Variants in SLC7A8 observed in about 807,000 individuals in gnomAD.
SLC7A8 encodes solute carrier family 7 member 8.
Under a neutral mutation model 51.2 loss-of-function variants are expected in SLC7A8, and 30 were observed. The ratio of observed to expected loss-of-function variants is 0.59; its 90% CI spans 0.44 to 0.80. The LOEUF (loss-of-function observed/expected upper bound fraction) is 0.80. Ranked by LOEUF, SLC7A8 falls within the 30% of genes least tolerant of loss-of-function variation. The pLI is 0.00. For missense variants in SLC7A8, 612 were observed against 674.4 expected (o/e 0.91, Z 1.03); for synonymous variants, 257 against 275.8 (o/e 0.93, Z 0.67).
At chr14:23,147,763 C>T (rs997345619) in intron 3 of SLC7A8, among the ~76,000 whole-genome samples, 6 of 152,158 alleles carry the variant, frequency 3.9e-5, no homozygotes, top group African/African-American at 1.4e-4. Flanking sequence ...GTTACTTAAT[C>T]CACCCAGTTT....
chr14:23,169,630 C>T (rs559067309), intron 1 of SLC7A8, among the ~76,000 whole-genome samples: 3 of 152,236 alleles, frequency 2.0e-5, no homozygotes, highest in East Asian at 3.9e-4. Context: ...TGGTCTCGAT[C>T]TCCTGACCTC....
At chr14:23,180,201 C>A (rs528880359) in intron 1 of SLC7A8, among the ~76,000 whole-genome samples, 2 of 152,168 alleles carry the variant, frequency 1.3e-5, no homozygotes, top group African/African-American at 4.8e-5. Context: ...CCACCGCACC[C>A]GGCCCTTTTT....
intron 7 of SLC7A8, among the ~76,000 whole-genome samples, chr14:23,135,086 T>A (rs116329128): frequency 0.015 from 2,336 of 152,026 alleles, 45 homozygotes; most frequent in East Asian, 0.052. Context: ...ATTATTTTTT[T>A]AATATTTTTT....
chr14:23,138,645 GA>G (rs1165250086), intron 6 of SLC7A8, among the ~76,000 whole-genome samples: 6 of 152,210 alleles, frequency 3.9e-5, no homozygotes, highest in African/African-American at 1.4e-4. Context: ...CTTAGTCTGA[GA>G]AAGAAAAGGC....
At chr14:23,155,360 C>T (rs1392568753) in intron 3 of SLC7A8, 1 of 1,517,816 alleles carries the variant, frequency 6.6e-7, no homozygotes, top group Non-Finnish European at 8.8e-7. Flanking sequence ...CTGCCCCATC[C>T]CCTCCCCTCC....
chr14:23,171,804 C>A (rs1243712065), intron 1 of SLC7A8, among the ~76,000 whole-genome samples: 8 of 152,230 alleles, frequency 5.3e-5, no homozygotes, highest in Non-Finnish European at 1.2e-4. Context: ...CCTGGAAGCT[C>A]ACCATGCCTC....
chr14:23,164,578 T>C (rs76888471), intron 3 of SLC7A8, among the ~76,000 whole-genome samples: 3,332 of 152,038 alleles, frequency 0.022, 155 homozygotes, highest in African/African-American at 0.077. Context: ...GTGAAAATCA[T>C]AGTGCCTCCA....
intron 5 of SLC7A8, 108 bp from the exon 6 acceptor site, chr14:23,139,655 C>A (rs1428324442): frequency 2.2e-6 from 3 of 1,338,282 alleles, no homozygotes; most frequent in South Asian, 1.5e-5. Context: ...AGCCTTACAG[C>A]CTTCTGTGAG....
At chr14:23,138,632 C>A (rs1168427523) in intron 6 of SLC7A8, among the ~76,000 whole-genome samples, 2 of 152,200 alleles carry the variant, frequency 1.3e-5, no homozygotes, top group Non-Finnish European at 2.9e-5. Context: ...GAATGAGCCC[C>A]TCCTTAGTCT....
chr14:23,143,898 C>T (rs2096546824), intron 3 of SLC7A8, among the ~76,000 whole-genome samples: 1 of 152,192 alleles, frequency 6.6e-6, no homozygotes, highest in South Asian at 2.1e-4. Context: ...TAAATGGAAT[C>T]ATATAATATG....
chr14:23,140,527 G>T lies in SLC7A8; in HGVS notation c.732C>A (p.Ala244=), dbSNP rs761485985. 1 of 1,614,066 alleles carries T rather than the reference G, an allele frequency of 6.2e-7. No individual in the cohort carries two copies. Among genetic ancestry groups the T allele is most frequent in the South Asian group, 1.1e-5 (1 of 91,074 alleles). The change falls in exon 5 of 11, where the codon GCC becomes GCA. Residue 244 remains alanine, a synonymous_variant. Coordinates refer to ENST00000316902, the MANE Select transcript of SLC7A8 (RefSeq NM_012244.4). The part of the protein sequence containing the change: ...VALAFLQGSF[A]YGGWNFLNYV... ...AATTCAGAAAGTTCCAGCCTCCATA[G>T]GCAAAGGAGCCCTGAAGGAAAGCCA...
intron 3 of SLC7A8, among the ~76,000 whole-genome samples, chr14:23,147,505 G>A (rs2048808417): frequency 6.6e-6 from 1 of 152,184 alleles, no homozygotes; most frequent in African/African-American, 2.4e-5. Flanking sequence ...GGAGACCCTG[G>A]CAACATGGAG....
At chr14:23,169,897 T>C (rs945349940) in intron 1 of SLC7A8, among the ~76,000 whole-genome samples, 7 of 152,200 alleles carry the variant, frequency 4.6e-5, no homozygotes, top group Admixed American at 2.0e-4. Context: ...TGTCACAGCC[T>C]CCAGCTTTTC....
intron 3 of SLC7A8, among the ~76,000 whole-genome samples, chr14:23,162,403 G>C (rs1566370676): frequency 6.6e-6 from 1 of 152,206 alleles, no homozygotes; most frequent in Non-Finnish European, 1.5e-5. Context: ...ATATTTCAAG[G>C]ACATTGAAAA....
chr14:23,137,059 T>A lies in SLC7A8; in HGVS notation c.1016+862A>T, dbSNP rs548045936. ...ACTCATCTTTGGAGCAGGACTGTAC[T>A]TTCTGAGGGCAGGGGGTGCTTTCTA... On this transcript the variant is annotated intron_variant, in intron 7 of 10. Coordinates refer to ENST00000316902, the MANE Select transcript of SLC7A8 (RefSeq NM_012244.4). Among the ~76,000 whole-genome samples the A allele has an allele frequency of 5.3e-5, 8 of 152,316 alleles. No homozygotes were observed. In the South Asian group the frequency reaches 1.7e-3, roughly 32 times the overall value.
chr14:23,154,413 C>CAG (rs1467530515), intron 3 of SLC7A8: 2 of 994,054 alleles, frequency 2.0e-6, no homozygotes, highest in Non-Finnish European at 2.4e-6. Context: ...AGCCGCTGGG[C>CAG]AGGGAAGCCG....
intron 3 of SLC7A8, chr14:23,146,857 G>T (rs1476520052): frequency 6.6e-6 from 1 of 152,200 alleles, no homozygotes; most frequent in African/African-American, 2.4e-5. Context: ...CACCCAGAGA[G>T]GAAAGGTCAG....
intron 3 of SLC7A8, among the ~76,000 whole-genome samples, chr14:23,160,638 G>A (rs997263786): frequency 5.9e-5 from 9 of 151,584 alleles, no homozygotes; most frequent in African/African-American, 2.2e-4. Context: ...TGCAGCCAGA[G>A]TTGTACAGTA....
At chr14:23,134,877 T>C (rs1050183656) in intron 7 of SLC7A8, among the ~76,000 whole-genome samples, 2 of 152,242 alleles carry the variant, frequency 1.3e-5, no homozygotes, top group African/African-American at 4.8e-5. Context: ...AATTATATTA[T>C]AATATCACAA....
Sources: gnomAD v4.1 joint callset for allele counts (sites outside exome capture counted in the v4.1 genomes callset) on GRCh38, gnomAD v4.1.1 for gene constraint, MANE v1.5 for transcripts, NCBI Gene and HGNC (gene_info 2026-07-23, HGNC 2026-07-21) for gene names.